Variants in HS3ST5 observed in about 807,000 individuals in gnomAD.
HS3ST5 encodes the protein heparan sulfate glucosamine 3-O-sulfotransferase 5.
A neutral mutation model predicts 25.4 loss-of-function variants in HS3ST5; 10 were observed. The observed-to-expected ratio is 0.39, with a 90% confidence interval of 0.24 to 0.67. The LOEUF (loss-of-function observed/expected upper bound fraction) is 0.67, where lower values mean the gene tolerates loss of function less well. Among genes scored for constraint, HS3ST5 ranks in the 30% least tolerant of loss-of-function variants. HS3ST5 has a pLI of 0.44. For missense variants in HS3ST5, 324 were observed against 420.7 expected, an observed-to-expected ratio of 0.77 and a Z score of 2.01; for synonymous variants, 170 against 162.4, an observed-to-expected ratio of 1.05 and a Z score of -0.36.
intron 1 of HS3ST5, among the ~76,000 whole-genome samples, chr6:114,266,652 G>A (rs936738095): frequency 4.6e-5 from 7 of 152,102 alleles, no homozygotes; most frequent in Non-Finnish European, 8.8e-5. Flanking sequence ...ACAATAATTT[G>A]CCACTATTTT....
At chr6:114,274,097 G>T (rs1171946740) in intron 1 of HS3ST5, among the ~76,000 whole-genome samples, 1 of 151,974 alleles carries the variant, frequency 6.6e-6, no homozygotes, top group African/African-American at 2.4e-5. Flanking sequence ...GTGACAACAT[G>T]GTGGCCTCAG....
intron 3 of HS3ST5, among the ~76,000 whole-genome samples, chr6:114,167,077 C>T (rs1044387966): frequency 6.6e-6 from 1 of 152,190 alleles, no homozygotes; most frequent in African/African-American, 2.4e-5. Context: ...CCTTAAATTC[C>T]TGGGCTCAAG....
chr6:114,274,914 A>G (rs926716909), intron 1 of HS3ST5, among the ~76,000 whole-genome samples: 7 of 151,774 alleles, frequency 4.6e-5, no homozygotes, highest in African/African-American at 1.5e-4. Flanking sequence ...TATGTATACA[A>G]CTATACACCT....
intron 2 of HS3ST5, among the ~76,000 whole-genome samples, chr6:114,185,184 G>T (rs1433238518): frequency 6.6e-6 from 1 of 152,148 alleles, no homozygotes; most frequent in Non-Finnish European, 1.5e-5. Flanking sequence ...AGGGGAAAAG[G>T]GTAGAATGTC....
At chr6:114,066,792 TC>T (rs1445843873) in intron 3 of HS3ST5, among the ~76,000 whole-genome samples, 2 of 152,238 alleles carry the variant, frequency 1.3e-5, no homozygotes, top group Non-Finnish European at 2.9e-5. Context: ...ATTTTGTGCC[TC>T]CCTTGTTCCT....
At chr6:114,224,675 CATATATATATACAT>C (rs57718199) in intron 2 of HS3ST5, among the ~76,000 whole-genome samples, 1,489 of 142,014 alleles carry the variant, frequency 0.01, 30 homozygotes, top group African/African-American at 0.036. Flanking sequence ...TTATTTTATA[CATATATATATACAT>C]ATATATATAT....
At chr6:114,318,689 C>G (rs1006069243) in intron 1 of HS3ST5, among the ~76,000 whole-genome samples, 4 of 152,156 alleles carry the variant, frequency 2.6e-5, no homozygotes, top group Non-Finnish European at 5.9e-5. Flanking sequence ...AATAAGGTGT[C>G]AGCAGACTTG....
chr6:114,224,723 G>A (rs1782209999), intron 2 of HS3ST5, among the ~76,000 whole-genome samples: 2 of 126,288 alleles, frequency 1.6e-5, no homozygotes, highest in Admixed American at 8.2e-5. Flanking sequence ...CACACACACC[G>A]ACTTCTTTCT....
intron 1 of HS3ST5, among the ~76,000 whole-genome samples, chr6:114,252,930 C>T (rs965819941): frequency 3.9e-5 from 6 of 152,114 alleles, no homozygotes; most frequent in African/African-American, 1.4e-4. Flanking sequence ...GGCATGATGG[C>T]TCATGCCTGT....
At chr6:114,294,522 T>C (rs543494308) in intron 1 of HS3ST5, among the ~76,000 whole-genome samples, 110 of 145,860 alleles carry the variant, frequency 7.5e-4, no homozygotes, top group African/African-American at 2.6e-3. Flanking sequence ...CTCCGCTCAC[T>C]GCAAGCTCCG....
chr6:114,329,770 T>A lies in HS3ST5; in HGVS notation c.-339+12425A>T, dbSNP rs534971899. On this transcript the variant is annotated intron_variant, in intron 1 of 4. Coordinates refer to ENST00000312719, the MANE Select transcript of HS3ST5 (RefSeq NM_153612.4). ...TTCTTCTTCCACCATCTGTTTTATA[T>A]CCAACACTCCAATAGTCCTTGTGTG... is the stretch of plus-strand genomic sequence containing the variant. Among the ~76,000 whole-genome samples, 3 of 152,294 alleles carry A rather than the reference T, an allele frequency of 2.0e-5. No homozygotes were observed. The East Asian group carries it at 5.8e-4, about 29-fold the overall frequency.
At chr6:114,119,456 T>C (rs1226636459) in intron 3 of HS3ST5, among the ~76,000 whole-genome samples, 1 of 152,138 alleles carries the variant, frequency 6.6e-6, no homozygotes, top group Non-Finnish European at 1.5e-5. Flanking sequence ...GAACTGCAAA[T>C]TGAAATTAAA....
intron 2 of HS3ST5, among the ~76,000 whole-genome samples, chr6:114,195,846 G>C (rs1391055382): frequency 4.6e-5 from 7 of 152,094 alleles, no homozygotes; most frequent in Admixed American, 3.9e-4. Context: ...GCACAGATAA[G>C]GGAACTTGTA....
intron 1 of HS3ST5, among the ~76,000 whole-genome samples, chr6:114,336,072 G>A (rs1475324833): frequency 6.6e-6 from 1 of 152,124 alleles, no homozygotes; most frequent in Non-Finnish European, 1.5e-5. Context: ...AAGAGTAAGA[G>A]AACCCATGTT....
At chr6:114,094,234 A>T (rs1245329097) in intron 3 of HS3ST5, among the ~76,000 whole-genome samples, 1 of 152,208 alleles carries the variant, frequency 6.6e-6, no homozygotes, top group Non-Finnish European at 1.5e-5. Flanking sequence ...ATCTTGACTT[A>T]TTTGGGGGAG....
intron 3 of HS3ST5, among the ~76,000 whole-genome samples, chr6:114,073,468 A>T (rs1043936333): frequency 2.0e-5 from 3 of 152,228 alleles, no homozygotes; most frequent in Non-Finnish European, 4.4e-5. Flanking sequence ...CCCATCAAAA[A>T]GTGGGCAAAG....
At chr6:114,166,652 A>T (rs1402363806) in intron 3 of HS3ST5, among the ~76,000 whole-genome samples, 4 of 152,174 alleles carry the variant, frequency 2.6e-5, no homozygotes, top group Non-Finnish European at 5.9e-5. Flanking sequence ...TCTCACAGTG[A>T]ACCTAGGAAT....
intron 3 of HS3ST5, among the ~76,000 whole-genome samples, chr6:114,111,127 T>C (rs1038510316): frequency 3.3e-5 from 5 of 152,198 alleles, no homozygotes; most frequent in African/African-American, 1.2e-4. Flanking sequence ...AAAAAGTATA[T>C]GCATGGGCCT....
At chr6:114,081,418 G>A (rs1582577212) in intron 3 of HS3ST5, among the ~76,000 whole-genome samples, 2 of 151,942 alleles carry the variant, frequency 1.3e-5, no homozygotes, top group African/African-American at 2.4e-5. Context: ...AACAAGGTAC[G>A]CACAAATTTT....
Sources: gnomAD v4.1 joint callset for allele counts (sites outside exome capture counted in the v4.1 genomes callset) on GRCh38, gnomAD v4.1.1 for gene constraint, MANE v1.5 for transcripts, NCBI Gene and HGNC (gene_info 2026-07-23, HGNC 2026-07-21) for gene names.